Variants in PTPA observed in about 807,000 individuals in gnomAD.
PTPA encodes protein phosphatase 2 phosphatase activator.
A neutral mutation model predicts 43.6 loss-of-function variants in PTPA; 13 were observed. That is an observed-to-expected ratio of 0.30 (90% CI 0.19 to 0.47). The LOEUF is 0.47. PTPA is among the 20% of genes least tolerant of loss of function. The pLI, the probability that PTPA is intolerant of heterozygous loss-of-function variation, is 0.99. For missense variants in PTPA, 329 were observed against 411.9 expected, an observed-to-expected ratio of 0.80 and a Z score of 1.74; for synonymous variants, 172 against 158.2, an observed-to-expected ratio of 1.09 and a Z score of -0.66.
upstream of PTPA, chr9:129,111,045 A>C (rs978507271): frequency 7.3e-7 from 1 of 1,369,010 alleles, no homozygotes; most frequent in Non-Finnish European, 9.8e-7. Context: ...AGTGGTGTGC[A>C]CCTTTCCAAC....
At chr9:129,139,942 C>T (rs2131611986) in intron 8 of PTPA, 1 of 152,320 alleles carries the variant, frequency 6.6e-6, no homozygotes, top group Middle Eastern at 3.4e-3. Context: ...GAGCCCAGGG[C>T]AGGCAGGAAA....
At chr9:129,128,761 C>T (rs751063764) in intron 3 of PTPA, among the ~76,000 whole-genome samples, 1 of 152,134 alleles carries the variant, frequency 6.6e-6, no homozygotes. Flanking sequence ...AAAGCCACCC[C>T]GTCCCTGTCC....
In PTPA at chr9:129,147,488, C is replaced by T. The variant is rs1564208007; in HGVS notation, c.*24C>T. The T allele has an allele frequency of 3.1e-6, 5 of 1,608,482 alleles. No individual in the cohort carries two copies. Among genetic ancestry groups the T allele is most frequent in the Non-Finnish European group, 4.3e-6 (5 of 1,175,994 alleles). ...AGGAGGGGCCAAGCCGAAGAGCCAC[C>T]CAGGCCACAGTTCCTGTGCCTGCCT... is the stretch of plus-strand genomic sequence containing the variant. On this transcript the variant is annotated 3_prime_UTR_variant, in exon 10 of 10. Transcript: ENST00000393370.
In PTPA at chr9:129,113,039, A is replaced by G. The variant is rs537600789; in HGVS notation, c.31+1408A>G. Among the ~76,000 whole-genome samples the G allele has an allele frequency of 7.5e-4, 112 of 149,920 alleles. 1 individual carries two copies. The highest frequency in any genetic ancestry group is 2.6e-3 in the African/African-American group (105 of 40,074). ...GTCACACATAAAATACACTAACACT[A>G]ACGATGGCTGATGAGCTAAAAAAAA... On this transcript the variant is annotated intron_variant, in intron 1 of 9. Coordinates refer to ENST00000393370, the MANE Select transcript of PTPA (RefSeq NM_178000.3).
At chr9:129,144,529 G>C (rs1050762386) in intron 9 of PTPA, among the ~76,000 whole-genome samples, 1 of 151,776 alleles carries the variant, frequency 6.6e-6, no homozygotes, top group Non-Finnish European at 1.5e-5. Context: ...ACGAGGTCAG[G>C]AGATCGAGAC....
Position 129,136,451 on chromosome 9 carries a change from TTCCCTG to T in PTPA, c.561-16_561-11del. 1.3e-6 allele frequency: 2 copies of T among 1,598,274 alleles called. No individual in the cohort carries two copies. Among genetic ancestry groups the T allele is most frequent in the Non-Finnish European group, 8.5e-7 (1 of 1,171,360 alleles). On this transcript the variant is annotated splice_polypyrimidine_tract_variant and intron_variant, in intron 6 of 9. Coordinates refer to ENST00000393370, the MANE Select transcript of PTPA (RefSeq NM_178000.3). ...CTTTTTACTTTTTGCTACCTTCCCT[TTCCCTG>T]TCCTCCTGTGCAGGTACCTTGAGGT...
chr9:129,134,761 A>G, intron 5 of PTPA, 34 bp from the exon 6 acceptor site: 2 of 1,532,454 alleles, frequency 1.3e-6, no homozygotes, highest in Non-Finnish European at 1.8e-6. Flanking sequence ...CTTTACCTGG[A>G]CTACTGTCAA....
intron 9 of PTPA, 77 bp downstream of exon 9, chr9:129,142,629 G>T (rs767132346): frequency 1.9e-6 from 3 of 1,584,726 alleles, no homozygotes; most frequent in East Asian, 4.7e-5. Context: ...AAAAGATGTG[G>T]AACCTGGGGC....
chr9:129,126,465 C>T (rs1849586653), intron 3 of PTPA, among the ~76,000 whole-genome samples: 4 of 152,074 alleles, frequency 2.6e-5, no homozygotes, highest in Admixed American at 2.6e-4. Flanking sequence ...CAGACGTGAG[C>T]CACTGTGCCT....
intron 9 of PTPA, chr9:129,142,757 A>C: frequency 6.5e-7 from 1 of 1,536,418 alleles, no homozygotes; most frequent in South Asian, 1.2e-5. Flanking sequence ...CAGCCACCCC[A>C]GCCCCGAAAA....
intron 2 of PTPA, 119 bp from the exon 3 acceptor site, chr9:129,122,933 C>T: frequency 5.6e-6 from 4 of 718,034 alleles, no homozygotes. Context: ...GGTTGGGAGT[C>T]AGGGTCAGGA....
Position 129,143,664 on chromosome 9 carries a change from C to T in PTPA, c.894+1112C>T, listed in dbSNP as rs146957176. 15 of 505,702 alleles carry T rather than the reference C, an allele frequency of 3.0e-5. No individual in the cohort carries two copies. The East Asian group carries it at 4.8e-4, about 16-fold the overall frequency. The allele number at this position is 505,702 out of a possible 1,614,324, so 31.3% of individuals were successfully genotyped here. ...CCCTCACTCCCTTCCGCCCCCTCCCCCTTTGGTCCCCTTCCTCTGGACCTC... is the reference window on the plus strand; with the variant it reads ...CCCTCACTCCCTTCCGCCCCCTCCCTCTTTGGTCCCCTTCCTCTGGACCTC... On this transcript the variant is annotated intron_variant, in intron 9 of 9. Transcript: ENST00000393370.
At chr9:129,115,700 C>T (rs865873000) in intron 1 of PTPA, among the ~76,000 whole-genome samples, 2 of 151,510 alleles carry the variant, frequency 1.3e-5, no homozygotes, top group African/African-American at 2.4e-5. Flanking sequence ...AGTACAGTGG[C>T]GTGATCTTGG....
In PTPA at chr9:129,111,482, C is replaced by G; in HGVS notation, c.-119C>G. The G allele has an allele frequency of 1.6e-6, 2 of 1,263,194 alleles. No homozygotes were observed. Among genetic ancestry groups the G allele is most frequent in the Non-Finnish European group, 2.0e-6 (2 of 996,066 alleles). 78.2% of individuals were successfully genotyped at this position (1,263,194 alleles called of 1,614,324 possible). A position where few individuals can be genotyped will look rare whatever the true frequency, so the allele number is the denominator to read the frequency against. On this transcript the variant is annotated 5_prime_UTR_variant, in exon 1 of 10. Transcript: ENST00000393370. ...GGTTTTCGGTTATAGCCGGCCGGCG[C>G]TCACTTGTCTTCAGGAAGCTCGGAG...
Position 129,142,259 on chromosome 9 carries a change from CTGTT to C in PTPA, c.787-182_787-179del. On this transcript the variant is annotated intron_variant, in intron 8 of 9. Coordinates refer to ENST00000393370, the MANE Select transcript of PTPA (RefSeq NM_178000.3). ...CCTTGTCTCTGGCACTTGCATGTGC[CTGTT>C]TGTATGTTTGCCCCTCAGGCAGATG... 3 of 490,624 alleles carry C rather than the reference CTGTT, an allele frequency of 6.1e-6. No homozygotes were observed. In the East Asian group the frequency reaches 9.9e-5, roughly 16 times the overall value. The allele number at this position is 490,624 out of a possible 1,614,324, so 30.4% of individuals were successfully genotyped here.
chr9:129,148,722 A>G lies in PTPA; in HGVS notation c.*1258A>G, dbSNP rs1325543095. 1.3e-5 allele frequency: 2 copies of G among 152,072 alleles called. No homozygotes were observed. The highest frequency in any genetic ancestry group is 2.4e-5 in the African/African-American group (1 of 40,836). 9.4% of individuals were successfully genotyped at this position (152,072 alleles called of 1,614,324 possible). A position where few individuals can be genotyped will look rare whatever the true frequency, so the allele number is the denominator to read the frequency against. ...CACACACCCTTCAGGAAGGGGGAGC[A>G]CTGAGAAGCACAGCACAGGGGCTCA... is the stretch of plus-strand genomic sequence containing the variant. On this transcript the variant is annotated 3_prime_UTR_variant, in exon 10 of 10. Transcript: ENST00000393370.
intron 5 of PTPA, among the ~76,000 whole-genome samples, chr9:129,134,337 C>CT (rs1346757985): frequency 9.9e-6 from 1 of 101,000 alleles, no homozygotes; most frequent in East Asian, 3.1e-4. Context: ...GACAGTCTCA[C>CT]TTTGTCACCC....
upstream of PTPA, chr9:129,111,354 C>A (rs985459092): frequency 2.2e-5 from 26 of 1,202,352 alleles, no homozygotes; most frequent in East Asian, 1.7e-4. Context: ...ATGGCCGTCG[C>A]CCGGTTCCGC....
At chr9:129,142,725 G>T (rs769033161) in intron 9 of PTPA, 173 bp downstream of exon 9, 12 of 1,538,504 alleles carry the variant, frequency 7.8e-6, no homozygotes, top group South Asian at 1.2e-5. Flanking sequence ...CCCATCTGGG[G>T]CATGGGCAGT....
Sources: allele counts gnomAD v4.1 joint callset (sites outside exome capture counted in the v4.1 genomes callset), GRCh38; gene constraint gnomAD v4.1.1; transcripts MANE v1.5; gene names NCBI Gene and HGNC (gene_info 2026-07-23, HGNC 2026-07-21).